The following CUX2 variants were observed in gnomAD, a reference collection of about 807,000 sequenced individuals.
The protein encoded by CUX2 is cut like homeobox 2.
CUX2 carries 40 observed loss-of-function variants against 144.8 expected under a neutral mutation model. The ratio of observed to expected loss-of-function variants is 0.28; its 90% CI spans 0.21 to 0.36. CUX2 has a LOEUF of 0.36. Among genes scored for constraint, CUX2 ranks in the 10% least tolerant of loss-of-function variants. The probability of loss-of-function intolerance (pLI) is 1.00; values close to 1 mark genes in which losing one functional copy is unlikely to be tolerated. For synonymous variants in CUX2, 827 were observed against 875.6 expected (o/e 0.94, Z 0.98); for missense variants, 1,615 against 1,994.0 (o/e 0.81, Z 3.62).
chr12:111,134,324 GCTT>G (rs1378781197), intron 1 of CUX2, among the ~76,000 whole-genome samples: 1 of 152,220 alleles, frequency 6.6e-6, no homozygotes, highest in African/African-American at 2.4e-5. Flanking sequence ...CCACATGCGT[GCTT>G]CTTATCAGTG....
intron 1 of CUX2, among the ~76,000 whole-genome samples, chr12:111,105,110 C>T (rs1197708698): frequency 6.6e-6 from 1 of 152,198 alleles, no homozygotes; most frequent in Non-Finnish European, 1.5e-5. Context: ...AGAATTGACT[C>T]GGGGGCCACA....
intron 4 of CUX2, among the ~76,000 whole-genome samples, chr12:111,268,701 C>T (rs1340649372): frequency 6.6e-6 from 1 of 152,272 alleles, no homozygotes; most frequent in Non-Finnish European, 1.5e-5. Context: ...CCATAACGTA[C>T]TCATGGCCAA....
At chr12:111,054,091 C>T (rs139776379) in intron 1 of CUX2, among the ~76,000 whole-genome samples, 6,006 of 152,194 alleles carry the variant, frequency 0.039, 405 homozygotes, top group African/African-American at 0.14. Flanking sequence ...GAGGTGGAGG[C>T]TGCAATGAAC....
chr12:111,315,496 A>ATGACC (rs1168612352), intron 16 of CUX2, among the ~76,000 whole-genome samples: 1 of 152,228 alleles, frequency 6.6e-6, no homozygotes, highest in Non-Finnish European at 1.5e-5. Flanking sequence ...AGACAGATGG[A>ATGACC]TCACTTGAGG....
intron 1 of CUX2, among the ~76,000 whole-genome samples, chr12:111,125,976 AT>A (rs1452762980): frequency 6.6e-6 from 1 of 151,548 alleles, no homozygotes; most frequent in African/African-American, 2.4e-5. Context: ...TATGAACTAT[AT>A]TAGGGTTCTC....
chr12:111,140,186 A>C (rs543229899), intron 1 of CUX2, among the ~76,000 whole-genome samples: 1 of 152,280 alleles, frequency 6.6e-6, no homozygotes, highest in African/African-American at 2.4e-5. Flanking sequence ...GCTTGCAAAA[A>C]TAGCAAAAGA....
At chr12:111,317,846 A>T (rs925393259) in intron 16 of CUX2, among the ~76,000 whole-genome samples, 27 of 152,156 alleles carry the variant, frequency 1.8e-4, no homozygotes, top group Admixed American at 1.6e-3. Flanking sequence ...AAATACAAAA[A>T]AAAATTAGCC....
At chr12:111,173,538 G>A (rs1385409287) in intron 1 of CUX2, among the ~76,000 whole-genome samples, 3 of 152,218 alleles carry the variant, frequency 2.0e-5, no homozygotes, top group Admixed American at 6.5e-5. Flanking sequence ...GTCTAGCTAT[G>A]AAGAGGCACA....
intron 1 of CUX2, among the ~76,000 whole-genome samples, chr12:111,117,187 T>C (rs1874358570): frequency 6.6e-6 from 1 of 152,208 alleles, no homozygotes; most frequent in South Asian, 2.1e-4. Context: ...TATCAGTAAG[T>C]ACAGGCTACA....
At chr12:111,102,710 TGTA>T (rs1873332644) in intron 1 of CUX2, among the ~76,000 whole-genome samples, 1 of 152,192 alleles carries the variant, frequency 6.6e-6, no homozygotes, top group South Asian at 2.1e-4. Context: ...TCCAAATCTG[TGTA>T]GAAGTTCTAG....
At chr12:111,109,092 A>G (rs1463883457) in intron 1 of CUX2, among the ~76,000 whole-genome samples, 6 of 152,130 alleles carry the variant, frequency 3.9e-5, no homozygotes, top group Non-Finnish European at 7.4e-5. Flanking sequence ...TCAGCTTTTC[A>G]TCTGCTGGGT....
intron 16 of CUX2, among the ~76,000 whole-genome samples, chr12:111,318,730 C>T (rs190252150): frequency 6.6e-6 from 1 of 151,812 alleles, no homozygotes; most frequent in Non-Finnish European, 1.5e-5. Context: ...TCACCCAGGT[C>T]GGAGTGCAAT....
At chr12:111,195,118 C>A (rs948472053) in intron 1 of CUX2, among the ~76,000 whole-genome samples, 1 of 152,228 alleles carries the variant, frequency 6.6e-6, no homozygotes, top group Non-Finnish European at 1.5e-5. Flanking sequence ...GTCACTGGTC[C>A]ACGTTCCTCT....
intron 4 of CUX2, among the ~76,000 whole-genome samples, chr12:111,266,796 C>T (rs1259804169): frequency 6.6e-6 from 1 of 152,214 alleles, no homozygotes; most frequent in Non-Finnish European, 1.5e-5. Flanking sequence ...AGCTTGCCCT[C>T]CGACAGCGTG....
At chr12:111,299,547 T>C (rs909179795) in intron 9 of CUX2, among the ~76,000 whole-genome samples, 2 of 152,106 alleles carry the variant, frequency 1.3e-5, no homozygotes, top group African/African-American at 4.8e-5. Context: ...ATAGAAGCAG[T>C]GTCCCCTAGG....
intron 20 of CUX2, among the ~76,000 whole-genome samples, chr12:111,340,990 C>G (rs950751376): frequency 6.6e-6 from 1 of 152,182 alleles, no homozygotes. Context: ...ACCCTGTCTC[C>G]TTTGTTCGGT....
chr12:111,156,131 T>C (rs990136445), intron 1 of CUX2, among the ~76,000 whole-genome samples: 6 of 152,180 alleles, frequency 3.9e-5, no homozygotes, highest in South Asian at 2.1e-4. Flanking sequence ...TCCAAATGAA[T>C]GTTTCTTTAA....
chr12:111,153,861 G>A (rs558121000), intron 1 of CUX2, among the ~76,000 whole-genome samples: 26 of 152,208 alleles, frequency 1.7e-4, no homozygotes, highest in South Asian at 4.2e-4. Context: ...TCATGATTCC[G>A]GAGACCAGCA....
chr12:111,237,604 T>A (rs1442172004), intron 3 of CUX2, among the ~76,000 whole-genome samples: 1 of 152,158 alleles, frequency 6.6e-6, no homozygotes, highest in Non-Finnish European at 1.5e-5. Context: ...AAGTGAGCTG[T>A]TTAGAAACAG....
Sources: allele counts gnomAD v4.1 joint callset (sites outside exome capture counted in the v4.1 genomes callset), GRCh38; gene constraint gnomAD v4.1.1; transcripts MANE v1.5; gene names NCBI Gene and HGNC (gene_info 2026-07-23, HGNC 2026-07-21).